SUPT3H: variants seen among roughly 807,000 people sequenced by gnomAD.
The protein encoded by SUPT3H is SPT3 homolog, SAGA and STAGA complex component, also known as transcription initiation protein SPT3 homolog.
Under a neutral mutation model 44.3 loss-of-function variants are expected in SUPT3H, and 44 were observed. The ratio of observed to expected loss-of-function variants is 0.99; its 90% CI spans 0.78 to 1.28. The LOEUF (loss-of-function observed/expected upper bound fraction) is 1.28, where lower values mean the gene tolerates loss of function less well. SUPT3H is among the 50% of genes most tolerant of loss of function. The pLI is 0.00. For synonymous variants in SUPT3H, 124 were observed against 125.6 expected, an observed-to-expected ratio of 0.99 and a Z score of 0.09; for missense variants, 380 against 387.1, an observed-to-expected ratio of 0.98 and a Z score of 0.15.
At chr6:45,333,880 G>C (rs2150096269) in intron 2 of SUPT3H, among the ~76,000 whole-genome samples, 1 of 151,206 alleles carries the variant, frequency 6.6e-6, no homozygotes, top group East Asian at 1.9e-4. Flanking sequence ...CTAAATAAAA[G>C]ATAAATGTTT....
intron 10 of SUPT3H, among the ~76,000 whole-genome samples, chr6:44,834,354 T>C (rs1175074869): frequency 6.6e-6 from 1 of 152,188 alleles, no homozygotes; most frequent in East Asian, 1.9e-4. Flanking sequence ...TTGTGGCTTT[T>C]ATCCACAGCA....
At chr6:45,347,927 T>C (rs1791222665) in intron 2 of SUPT3H, among the ~76,000 whole-genome samples, 1 of 152,104 alleles carries the variant, frequency 6.6e-6, no homozygotes, top group African/African-American at 2.4e-5. Flanking sequence ...AAAAATTATT[T>C]CCCTCCTTGG....
At chr6:45,041,792 T>C (rs1484000931) in intron 3 of SUPT3H, among the ~76,000 whole-genome samples, 1 of 152,204 alleles carries the variant, frequency 6.6e-6, no homozygotes, top group Non-Finnish European at 1.5e-5. Context: ...ATTGTAAAGA[T>C]ATCTGTATAT....
intron 11 of SUPT3H, among the ~76,000 whole-genome samples, chr6:44,819,563 A>G (rs1767138033): frequency 6.6e-6 from 1 of 151,382 alleles, no homozygotes; most frequent in Non-Finnish European, 1.5e-5. Context: ...AGGCTGAGGC[A>G]GGAGGACAGT....
chr6:45,219,060 A>C (rs984391991), intron 2 of SUPT3H, among the ~76,000 whole-genome samples: 2 of 152,170 alleles, frequency 1.3e-5, no homozygotes, highest in Non-Finnish European at 2.9e-5. Context: ...AACTGAATGA[A>C]AATAAAAAGA....
At chr6:45,151,244 A>G (rs900380888) in intron 2 of SUPT3H, among the ~76,000 whole-genome samples, 1 of 152,256 alleles carries the variant, frequency 6.6e-6, no homozygotes, top group South Asian at 2.1e-4. Flanking sequence ...AAATTTTAGT[A>G]CTTATAAAAA....
At position 44,828,645 on chromosome 6, in the gene SUPT3H, T is replaced by C. The variant is rs1768071060; in HGVS notation, c.*1171A>G. On this transcript the variant is annotated 3_prime_UTR_variant, in exon 11 of 11. Coordinates refer to ENST00000371459, the MANE Select transcript of SUPT3H (RefSeq NM_003599.4). ...GAAGGGAGAACTATTTCTACTTTCT[T>C]TACCCTTAAATCTAGGAAGCAGTAT... 6.6e-6 allele frequency: 1 copy of C among 152,152 alleles called. No homozygotes were observed. Among genetic ancestry groups the C allele is most frequent in the South Asian group, 2.1e-4 (1 of 4,824 alleles). 9.4% of individuals were successfully genotyped at this position (152,152 alleles called of 1,614,324 possible). A position where few individuals can be genotyped will look rare whatever the true frequency, so the allele number is the denominator to read the frequency against.
intron 2 of SUPT3H, among the ~76,000 whole-genome samples, chr6:45,204,566 T>C (rs921692776): frequency 3.3e-5 from 5 of 152,182 alleles, no homozygotes; most frequent in Non-Finnish European, 2.9e-5. Flanking sequence ...ATTCTCCACC[T>C]CTGCATCAAA....
At chr6:45,209,972 A>G (rs1235214527) in intron 2 of SUPT3H, among the ~76,000 whole-genome samples, 1 of 152,220 alleles carries the variant, frequency 6.6e-6, no homozygotes, top group African/African-American at 2.4e-5. Context: ...ACCAGCAAAA[A>G]GACCATGACA....
intron 2 of SUPT3H, among the ~76,000 whole-genome samples, chr6:45,181,167 T>C (rs1219374444): frequency 2.3e-5 from 3 of 129,652 alleles, no homozygotes; most frequent in Admixed American, 7.6e-5. Flanking sequence ...CACAATGAGA[T>C]ACCATCTCAC....
chr6:44,936,388 G>C (rs1771422559), intron 9 of SUPT3H, among the ~76,000 whole-genome samples: 1 of 152,094 alleles, frequency 6.6e-6, no homozygotes, highest in South Asian at 2.1e-4. Context: ...GTGTGATTAT[G>C]TTACATGCAT....
chr6:45,353,401 T>C (rs114089085), intron 2 of SUPT3H, among the ~76,000 whole-genome samples: 3,093 of 152,046 alleles, frequency 0.02, 43 homozygotes, highest in Non-Finnish European at 0.032. Context: ...TTAAAACATA[T>C]TAAGAAGCTA....
At position 45,176,223 on chromosome 6, in the gene SUPT3H, G is replaced by A. The variant is rs531098870; in HGVS notation, c.102-70217C>T. Reference sequence around the variant, plus strand: ...GCGCAGGTCAGTGGGTGCGCGCACCGTGCGCGAGCCGAAGCAGGGCGAGGC... The same window carrying A: ...GCGCAGGTCAGTGGGTGCGCGCACCATGCGCGAGCCGAAGCAGGGCGAGGC... On this transcript the variant is annotated intron_variant, in intron 2 of 10. Coordinates refer to ENST00000371459, the MANE Select transcript of SUPT3H (RefSeq NM_003599.4). Among the ~76,000 whole-genome samples the A allele has an allele frequency of 3.7e-4, 56 of 151,726 alleles. 1 individual carries two copies. Among genetic ancestry groups the A allele is most frequent in the South Asian group, 1.3e-3 (6 of 4,782 alleles).
intron 10 of SUPT3H, among the ~76,000 whole-genome samples, chr6:44,881,467 TAGAC>T (rs1388224015): frequency 4.6e-5 from 7 of 152,124 alleles, no homozygotes; most frequent in African/African-American, 1.7e-4. Context: ...CTGTCAATAT[TAGAC>T]AGATCAACAA....
chr6:45,243,885 C>T (rs1027577079), intron 2 of SUPT3H, among the ~76,000 whole-genome samples: 23 of 152,136 alleles, frequency 1.5e-4, no homozygotes, highest in Admixed American at 1.4e-3. Flanking sequence ...ACTATTTGTT[C>T]ATTTAATTTT....
intron 3 of SUPT3H, among the ~76,000 whole-genome samples, chr6:45,097,261 C>T (rs1054275809): frequency 1.3e-5 from 2 of 152,122 alleles, no homozygotes; most frequent in Non-Finnish European, 2.9e-5. Context: ...GTTTCATGGA[C>T]CATGCTAATT....
At position 45,015,062 on chromosome 6, in the gene SUPT3H, G is replaced by A. The variant is rs1047691371; in HGVS notation, c.274-171C>T. Reference sequence around the variant, plus strand: ...AAAAAGGTAGTCATCAAACACAAAGGCTAAAATACAAGTCTTTTAAAAAGC... The same window carrying A: ...AAAAAGGTAGTCATCAAACACAAAGACTAAAATACAAGTCTTTTAAAAAGC... On this transcript the variant is annotated intron_variant, in intron 4 of 10. Coordinates refer to ENST00000371459, the MANE Select transcript of SUPT3H (RefSeq NM_003599.4). 3.3e-5 allele frequency among the ~76,000 whole-genome samples: 5 copies of A among 152,200 alleles called. No homozygotes were observed. In the South Asian group the frequency reaches 1.0e-3, roughly 32 times the overall value.
chr6:45,221,473 T>C (rs191509523), intron 2 of SUPT3H, among the ~76,000 whole-genome samples: 2 of 152,112 alleles, frequency 1.3e-5, no homozygotes, highest in Admixed American at 1.3e-4. Flanking sequence ...AAAACAGAAA[T>C]TAAAATACTC....
chr6:45,003,556 T>A, intron 6 of SUPT3H, 97 bp downstream of exon 6: 2 of 1,410,672 alleles, frequency 1.4e-6, no homozygotes, highest in Non-Finnish European at 1.9e-6. Context: ...GACTTAGAGA[T>A]TTCAGACAAC....
Sources: allele counts gnomAD v4.1 joint callset (sites outside exome capture counted in the v4.1 genomes callset), GRCh38; gene constraint gnomAD v4.1.1; transcripts MANE v1.5; gene names NCBI Gene and HGNC (gene_info 2026-07-23, HGNC 2026-07-21).